ATP9A: variants seen among roughly 807,000 people sequenced by gnomAD.
ATP9A encodes probable phospholipid-transporting ATPase IIA.
ATP9A carries 52 observed loss-of-function variants against 144.1 expected under a neutral mutation model. The ratio of observed to expected loss-of-function variants is 0.36; its 90% CI spans 0.29 to 0.45. ATP9A has a LOEUF of 0.45. Among genes scored for constraint, ATP9A ranks in the 20% least tolerant of loss-of-function variants. The pLI, the probability that ATP9A is intolerant of heterozygous loss-of-function variation, is 1.00. For missense variants in ATP9A, 947 were observed against 1,392.7 expected (o/e 0.68, Z 5.09); for synonymous variants, 582 against 557.4 (o/e 1.04, Z -0.62).
intron 11 of ATP9A, among the ~76,000 whole-genome samples, chr20:51,673,038 C>A (rs930740791): frequency 1.3e-5 from 2 of 152,104 alleles, no homozygotes; most frequent in African/African-American, 2.4e-5. Context: ...CTAATACAGG[C>A]CTTCACTTTT....
At chr20:51,663,215 G>A (rs999192446) in intron 13 of ATP9A, among the ~76,000 whole-genome samples, 3 of 152,122 alleles carry the variant, frequency 2.0e-5, no homozygotes, top group Non-Finnish European at 4.4e-5. Context: ...AAAGGAATAT[G>A]ATGGGTTCTC....
intron 1 of ATP9A, among the ~76,000 whole-genome samples, chr20:51,741,695 CA>C (rs2077785920): frequency 1.3e-5 from 2 of 152,202 alleles, no homozygotes; most frequent in Admixed American, 1.3e-4. Context: ...CTATGATCTC[CA>C]AATACCTCTA....
chr20:51,742,469 G>A (rs1424786103), intron 1 of ATP9A, among the ~76,000 whole-genome samples: 1 of 152,094 alleles, frequency 6.6e-6, no homozygotes, highest in Admixed American at 6.6e-5. Flanking sequence ...GCAGCTGGCA[G>A]TGCCTCTGAG....
At chr20:51,691,455 C>T (rs775922902) in intron 7 of ATP9A, among the ~76,000 whole-genome samples, 157 of 152,206 alleles carry the variant, frequency 1.0e-3, no homozygotes, top group Non-Finnish European at 1.9e-3. Flanking sequence ...GGCGACAGAG[C>T]GAGACTCCGT....
chr20:51,621,200 A>G (rs564686848), intron 19 of ATP9A, among the ~76,000 whole-genome samples: 1 of 152,194 alleles, frequency 6.6e-6, no homozygotes, highest in African/African-American at 2.4e-5. Flanking sequence ...GACAGTGAAA[A>G]TATCAAGAGT....
intron 4 of ATP9A, among the ~76,000 whole-genome samples, chr20:51,711,697 A>T (rs1466902336): frequency 6.6e-6 from 1 of 152,162 alleles, no homozygotes; most frequent in Non-Finnish European, 1.5e-5. Context: ...AGACACAGAC[A>T]TCAACAATGG....
At chr20:51,746,957 G>A (rs923860540) in intron 1 of ATP9A, among the ~76,000 whole-genome samples, 2 of 91,332 alleles carry the variant, frequency 2.2e-5, no homozygotes, top group Admixed American at 1.1e-4. Flanking sequence ...AGTGAGCCGA[G>A]GTAGTGCCAT....
intron 4 of ATP9A, among the ~76,000 whole-genome samples, chr20:51,707,147 G>C (rs546000697): frequency 5.7e-4 from 87 of 152,260 alleles, no homozygotes; most frequent in Middle Eastern, 3.4e-3. Flanking sequence ...GTCCTGGCCT[G>C]AGTTCCATGT....
At chr20:51,733,114 G>T (rs759549549) in intron 1 of ATP9A, among the ~76,000 whole-genome samples, 22 of 152,048 alleles carry the variant, frequency 1.4e-4, no homozygotes, top group Non-Finnish European at 2.8e-4. Flanking sequence ...CAAGCTATCC[G>T]GTTACAGTTA....
chr20:51,626,890 C>T (rs1023859134), intron 17 of ATP9A, among the ~76,000 whole-genome samples: 13 of 151,944 alleles, frequency 8.6e-5, no homozygotes, highest in Non-Finnish European at 1.2e-4. Context: ...AACCCCATCT[C>T]TATTAAAAAT....
At chr20:51,717,266 G>A (rs1045216303) in intron 3 of ATP9A, among the ~76,000 whole-genome samples, 2 of 151,782 alleles carry the variant, frequency 1.3e-5, no homozygotes, top group Admixed American at 1.3e-4. Flanking sequence ...TTTGAAATGA[G>A]GCAACTTTCA....
At chr20:51,688,318 T>G (rs2077532383) in intron 9 of ATP9A, among the ~76,000 whole-genome samples, 1 of 152,126 alleles carries the variant, frequency 6.6e-6, no homozygotes, top group African/African-American at 2.4e-5. Flanking sequence ...ATGGGCCAGG[T>G]GCAGTGGCTC....
intron 4 of ATP9A, among the ~76,000 whole-genome samples, chr20:51,705,019 CTCT>C (rs1475709370): frequency 1.3e-5 from 2 of 152,140 alleles, no homozygotes; most frequent in African/African-American, 2.4e-5. Flanking sequence ...CCATACCATT[CTCT>C]TCTTTAAAAA....
In ATP9A at chr20:51,613,659, G is replaced by C; in HGVS notation, c.2571+18C>G. 1 of 1,607,672 alleles carries C rather than the reference G, an allele frequency of 6.2e-7. No homozygotes were observed. The highest frequency in any genetic ancestry group is 8.5e-7 in the Non-Finnish European group (1 of 1,175,954). On this transcript the variant is annotated intron_variant, in intron 23 of 27. Coordinates refer to ENST00000338821, the MANE Select transcript of ATP9A (RefSeq NM_006045.3). ...ATAGCCACAGGCACATGTGCAGAGG[G>C]GCCAGCTGTCCACTCACCTGCATGG...
chr20:51,765,639 T>A (rs2077900339), intron 1 of ATP9A, among the ~76,000 whole-genome samples: 1 of 46,514 alleles, frequency 2.1e-5, no homozygotes, highest in African/African-American at 9.5e-5. Flanking sequence ...TGAAGCTACA[T>A]CTCAAAAAAA....
intron 7 of ATP9A, among the ~76,000 whole-genome samples, chr20:51,693,129 T>A (rs537763031): frequency 2.0e-5 from 3 of 152,154 alleles, no homozygotes; most frequent in Non-Finnish European, 4.4e-5. Context: ...CGCCCCATCA[T>A]ACACACTGGG....
chr20:51,751,261 G>GTTT (rs201983884), intron 1 of ATP9A, among the ~76,000 whole-genome samples: 24 of 115,500 alleles, frequency 2.1e-4, no homozygotes, highest in South Asian at 2.9e-4. Context: ...GGTTTTTTTT[G>GTTT]TTTTTTTTTT....
At chr20:51,732,584 T>C (rs1021252811) in intron 1 of ATP9A, 14 of 152,078 alleles carry the variant, frequency 9.2e-5, no homozygotes, top group African/African-American at 3.1e-4. Flanking sequence ...CTCATTCCAG[T>C]AAACCAGCAT....
At chr20:51,727,797 A>G (rs111834488) in intron 2 of ATP9A, among the ~76,000 whole-genome samples, 10,189 of 150,318 alleles carry the variant, frequency 0.068, 772 homozygotes, top group African/African-American at 0.19. Context: ...CGGACATGGG[A>G]GCACGTGCCT....
Sources: gnomAD v4.1 joint callset for allele counts (sites outside exome capture counted in the v4.1 genomes callset) on GRCh38, gnomAD v4.1.1 for gene constraint, MANE v1.5 for transcripts, NCBI Gene and HGNC (gene_info 2026-07-23, HGNC 2026-07-21) for gene names.